Variants in PCDHA1 observed in about 807,000 individuals in gnomAD.
PCDHA1 encodes protocadherin alpha 1.
Under a neutral mutation model 61.3 loss-of-function variants are expected in PCDHA1, and 42 were observed. The observed-to-expected ratio is 0.69, with a 90% CI of 0.54 to 0.89. The LOEUF (loss-of-function observed/expected upper bound fraction) is 0.89. PCDHA1 is among the 40% of genes least tolerant of loss of function. PCDHA1 has a pLI of 0.00. For missense variants in PCDHA1, 1,256 were observed against 1,235.3 expected, an observed-to-expected ratio of 1.02 and a Z score of -0.25; for synonymous variants, 610 against 553.8, an observed-to-expected ratio of 1.10 and a Z score of -1.43.
In PCDHA1 at chr5:140,850,628, G is replaced by A. The variant is rs2150491387; in HGVS notation, c.2394+61944G>A. The stretch of plus-strand genomic sequence containing the variant: ...CCATCTGCGCGGTGTCTAGCCTGTT[G>A]GTTCTCACGCTGCTGCTGTACACTG... On this transcript the variant is annotated intron_variant, in intron 1 of 3. Coordinates refer to ENST00000504120, the MANE Select transcript of PCDHA1 (RefSeq NM_018900.4). 2.4e-5 allele frequency: 38 copies of A among 1,598,590 alleles called. 4 individuals carry two copies. In the Middle Eastern group the frequency reaches 1.3e-3, roughly 56 times the overall value.
At chr5:141,004,602 G>A (rs1345777080) in intron 3 of PCDHA1, among the ~76,000 whole-genome samples, 18 of 152,298 alleles carry the variant, frequency 1.2e-4, no homozygotes, top group African/African-American at 4.1e-4. Flanking sequence ...CAGTGCTTAG[G>A]CCTCATGCAG....
rs2150224520 is a variant in PCDHA1 at position 140,834,696 on chromosome 5, C to T, written c.2394+46012C>T. 3 of 1,614,242 alleles carry T rather than the reference C, an allele frequency of 1.9e-6. No homozygotes were observed. In the South Asian group the frequency reaches 3.3e-5, roughly 18 times the overall value. On this transcript the variant is annotated intron_variant, in intron 1 of 3. Transcript: ENST00000504120. The stretch of plus-strand genomic sequence containing the variant: ...CGGGCGGAGCGCGGAGTGCAGCATC[C>T]ACCTGGAGGTGATCGTGGAAAGGCC...
intron 3 of PCDHA1, among the ~76,000 whole-genome samples, chr5:141,000,391 C>CTATATA (rs2097912428): frequency 7.1e-5 from 4 of 56,662 alleles, no homozygotes; most frequent in Non-Finnish European, 1.2e-4. Flanking sequence ...CTCTCTCTCT[C>CTATATA]TCTCTATATA....
intron 1 of PCDHA1, among the ~76,000 whole-genome samples, chr5:140,911,116 C>G (rs1184319768): frequency 6.6e-6 from 1 of 152,142 alleles, no homozygotes; most frequent in Non-Finnish European, 1.5e-5. Flanking sequence ...GAAGCCATCA[C>G]TGTTGCCTCA....
chr5:140,850,309 C>T lies in PCDHA1; in HGVS notation c.2394+61625C>T, dbSNP rs2150478880. The stretch of plus-strand genomic sequence containing the variant: ...GTGGACGCCGACTCGGGCTACAACG[C>T]GTGGCTTTCATACGAGCTGCAGCCA... On this transcript the variant is annotated intron_variant, in intron 1 of 3. Coordinates refer to ENST00000504120, the MANE Select transcript of PCDHA1 (RefSeq NM_018900.4). 1.7e-5 allele frequency: 27 copies of T among 1,597,088 alleles called. 3 individuals carry two copies. Among genetic ancestry groups the T allele is most frequent in the Non-Finnish European group, 2.3e-5 (27 of 1,167,652 alleles).
At chr5:140,976,832 A>G (rs246001) in intron 1 of PCDHA1, among the ~76,000 whole-genome samples, 14,161 of 152,268 alleles carry the variant, frequency 0.093, 806 homozygotes, top group Middle Eastern at 0.22. Context: ...AATGAGCAAA[A>G]CAGATATAAT....
chr5:141,011,822 A>G lies in PCDHA1; in HGVS notation c.*1885A>G, dbSNP rs181852141. 7 of 153,844 alleles carry G rather than the reference A, an allele frequency of 4.6e-5. No homozygotes were observed. The highest frequency in any genetic ancestry group is 1.4e-4 in the African/African-American group (6 of 41,546). The allele number at this position is 153,844 out of a possible 1,614,324, so 9.5% of individuals were successfully genotyped here. A position where few individuals can be genotyped will look rare whatever the true frequency, so the allele number is the denominator to read the frequency against. On this transcript the variant is annotated 3_prime_UTR_variant, in exon 4 of 4. Transcript: ENST00000504120. ...ATATCAGCTCATAGAAAGTAACAAA[A>G]TTTGCTGTCACCTTAAATAAGACAT...
intron 1 of PCDHA1, among the ~76,000 whole-genome samples, chr5:140,973,778 T>C (rs910410874): frequency 3.9e-5 from 6 of 152,256 alleles, no homozygotes; most frequent in African/African-American, 1.4e-4. Context: ...ATATTATAGG[T>C]TGCCTATTGG....
chr5:140,929,554 C>G (rs899446101), intron 1 of PCDHA1: 17 of 488,414 alleles, frequency 3.5e-5, no homozygotes, highest in Non-Finnish European at 5.5e-5. Flanking sequence ...AAAATTAAAA[C>G]CTATTTAAGA....
intron 1 of PCDHA1, chr5:140,848,977 A>T (rs2150427682): frequency 1.2e-6 from 2 of 1,600,464 alleles, no homozygotes; most frequent in South Asian, 1.1e-5. Flanking sequence ...TCCGATGCAG[A>T]TATCGGGGAG....
intron 1 of PCDHA1, among the ~76,000 whole-genome samples, chr5:140,973,232 G>GA (rs2096577680): frequency 6.6e-6 from 1 of 152,196 alleles, no homozygotes; most frequent in African/African-American, 2.4e-5. Flanking sequence ...ATAGTGACCT[G>GA]AAAGAGTTAA....
chr5:140,786,430 G>T lies in PCDHA1; in HGVS notation c.140G>T (p.Arg47Leu). The change falls in exon 1 of 4, where the codon CGC becomes CTC. Residue 47 changes from arginine (R) to leucine (L), a missense_variant. Physicochemically the swap from Arg to Leu is moderately radical, Grantham distance 102 (BLOSUM62 -2). Transcript: ENST00000504120. The part of the protein sequence containing the change: ...EEAKHGTFVG[R>L]VAQDLGLELA... The stretch of plus-strand genomic sequence containing the variant: ...GCCAAACACGGCACCTTCGTTGGCC[G>T]CGTTGCTCAGGACCTGGGACTGGAG... 6.2e-7 allele frequency: 1 copy of T among 1,613,446 alleles called. No homozygotes were observed. Among genetic ancestry groups the T allele is most frequent in the South Asian group, 1.1e-5 (1 of 91,044 alleles).
chr5:140,918,651 C>A (rs1418223257), intron 1 of PCDHA1, among the ~76,000 whole-genome samples: 1 of 152,144 alleles, frequency 6.6e-6, no homozygotes, highest in African/African-American at 2.4e-5. Flanking sequence ...AAACCTAATT[C>A]TCATGTTGAT....
chr5:140,883,557 G>C, intron 1 of PCDHA1: 1 of 1,614,214 alleles, frequency 6.2e-7, no homozygotes, highest in Non-Finnish European at 8.5e-7. Flanking sequence ...GCGCGGGACG[G>C]GGGCTCGCCT....
chr5:140,809,668 A>G (rs1303079080), intron 1 of PCDHA1: 11 of 1,453,082 alleles, frequency 7.6e-6, no homozygotes, highest in Admixed American at 2.3e-5. Context: ...TCCCTGGGTT[A>G]AAATTTTACC....
At chr5:140,803,109 G>C in intron 1 of PCDHA1, 1 of 1,613,838 alleles carries the variant, frequency 6.2e-7, no homozygotes, top group African/African-American at 1.3e-5. Flanking sequence ...CCGTGCCCTG[G>C]ACGAGGTGGA....
At chr5:140,941,224 T>TTTCTTTC in intron 1 of PCDHA1, among the ~76,000 whole-genome samples, 1 of 137,372 alleles carries the variant, frequency 7.3e-6, no homozygotes, top group Non-Finnish European at 1.6e-5. Flanking sequence ...CCTTTCTTTC[T>TTTCTTTC]TTCTTTCTTT....
intron 1 of PCDHA1, chr5:140,804,597 T>C (rs1446691553): frequency 6.6e-6 from 1 of 152,448 alleles, no homozygotes; most frequent in African/African-American, 2.4e-5. Flanking sequence ...GATAAGCCAA[T>C]GTTATAATGT....
rs1554149344 is a variant in PCDHA1, at chr5:140,856,961, G to C, written c.2394+68277G>C. 5.0e-6 allele frequency: 8 copies of C among 1,590,776 alleles called. 2 individuals carry two copies. The highest frequency in any genetic ancestry group is 3.4e-5 in the Admixed American group (2 of 59,226). ...AAGGACGGGAGAAATAAAAGTAAATGATGCTATTGACTTTGAGGACAGTAA... is the reference window on the plus strand; with the variant it reads ...AAGGACGGGAGAAATAAAAGTAAATCATGCTATTGACTTTGAGGACAGTAA... On this transcript the variant is annotated intron_variant, in intron 1 of 3. Transcript: ENST00000504120.
Sources: gnomAD v4.1 joint callset for allele counts (sites outside exome capture counted in the v4.1 genomes callset) on GRCh38, gnomAD v4.1.1 for gene constraint, MANE v1.5 for transcripts, NCBI Gene and HGNC (gene_info 2026-07-23, HGNC 2026-07-21) for gene names.